The following HIGD1C variants were observed in gnomAD, a reference collection of about 807,000 sequenced individuals.
HIGD1C encodes the protein HIG1 hypoxia inducible domain family member 1C.
A neutral mutation model predicts 13.1 loss-of-function variants in HIGD1C; 11 were observed. That is an observed-to-expected ratio of 0.84 (90% confidence interval 0.53 to 1.39). The LOEUF (loss-of-function observed/expected upper bound fraction) is 1.39, where lower values mean the gene tolerates loss of function less well. Among genes scored for constraint, HIGD1C ranks in the 40% most tolerant of loss-of-function variants. The pLI, the probability that HIGD1C is intolerant of heterozygous loss-of-function variation, is 0.00. For missense variants in HIGD1C, 110 were observed against 112.0 expected, an observed-to-expected ratio of 0.98 and a Z score of 0.08; for synonymous variants, 36 against 37.7, an observed-to-expected ratio of 0.95 and a Z score of 0.17.
chr12:50,959,516 C>T (rs1280573309), intron 1 of HIGD1C, among the ~76,000 whole-genome samples: 1 of 152,108 alleles, frequency 6.6e-6, no homozygotes, highest in East Asian at 1.9e-4. Context: ...TCTTACTTAT[C>T]CAAAAATTTT....
chr12:50,959,962 T>C (rs915604565), intron 1 of HIGD1C, among the ~76,000 whole-genome samples: 1 of 152,204 alleles, frequency 6.6e-6, no homozygotes, highest in Non-Finnish European at 1.5e-5. Flanking sequence ...GTATCTGTTA[T>C]CTGGCTATTT....
chr12:50,963,369 C>CAAAAAAAA (rs35764288), intron 2 of HIGD1C, among the ~76,000 whole-genome samples: 9 of 72,386 alleles, frequency 1.2e-4, no homozygotes, highest in African/African-American at 2.5e-4. Flanking sequence ...GACTCCATCT[C>CAAAAAAAA]AAAAAAAAAA....
chr12:50,959,794 T>C (rs1420909603), intron 1 of HIGD1C, among the ~76,000 whole-genome samples: 1 of 152,116 alleles, frequency 6.6e-6, no homozygotes, highest in Non-Finnish European at 1.5e-5. Context: ...ATTACAGGCA[T>C]GTACCACCAC....
chr12:50,932,635 AAC>A, the HIGD1C span: 1 of 152,192 alleles, frequency 6.6e-6, no homozygotes, highest in African/African-American at 2.4e-5. Context: ...GGTAACTATA[AAC>A]ACAGCCAATA....
At chr12:50,960,399 C>A (rs773476899) in intron 1 of HIGD1C, among the ~76,000 whole-genome samples, 2 of 152,184 alleles carry the variant, frequency 1.3e-5, no homozygotes, top group South Asian at 4.1e-4. Flanking sequence ...AACTTTGTAG[C>A]ATGCACAGTT....
intron 2 of HIGD1C, among the ~76,000 whole-genome samples, chr12:50,967,466 A>G (rs1245337884): frequency 6.6e-6 from 1 of 152,054 alleles, no homozygotes; most frequent in East Asian, 1.9e-4. Context: ...TGTAGAAATG[A>G]GGGTCTCACT....
chr12:50,955,106 A>G (rs1939044393), intron 1 of HIGD1C, among the ~76,000 whole-genome samples: 1 of 152,218 alleles, frequency 6.6e-6, no homozygotes, highest in Admixed American at 6.5e-5. Flanking sequence ...AGCCTGGCCA[A>G]TAGGGTGAAA....
chr12:50,963,389 A>G (rs113921565), intron 2 of HIGD1C, among the ~76,000 whole-genome samples: 16,114 of 131,844 alleles, frequency 0.12, 945 homozygotes, highest in South Asian at 0.17. Flanking sequence ...AAAAAAAAAA[A>G]AAAAGAAAAG....
At chr12:50,945,723 A>G in the HIGD1C span, among the ~76,000 whole-genome samples, 2 of 152,234 alleles carry the variant, frequency 1.3e-5, no homozygotes, top group Non-Finnish European at 2.9e-5. Flanking sequence ...AGAATTGGGA[A>G]AAACTACTTT....
At chr12:50,965,917 G>A (rs1012487911) in intron 2 of HIGD1C, among the ~76,000 whole-genome samples, 1 of 152,168 alleles carries the variant, frequency 6.6e-6, no homozygotes, top group Non-Finnish European at 1.5e-5. Flanking sequence ...CTCAATTCTA[G>A]GAATTGGTCA....
At chr12:50,954,268 A>G in intron 1 of HIGD1C, 176 bp downstream of exon 3, 2 of 468,438 alleles carry the variant, frequency 4.3e-6, no homozygotes, top group Non-Finnish European at 7.5e-6. Context: ...GTAAGCCCCC[A>G]GTAAATGTTA....
intron 2 of HIGD1C, among the ~76,000 whole-genome samples, chr12:50,969,701 T>C (rs1477683079): frequency 1.7e-5 from 2 of 115,712 alleles, no homozygotes; most frequent in African/African-American, 3.0e-5. Flanking sequence ...AGACTCCATC[T>C]CAAAAAAAAA....
In HIGD1C at chr12:50,954,629, G is replaced by A. The variant is rs562269543; in HGVS notation, c.94+537G>A. Among the ~76,000 whole-genome samples the A allele has an allele frequency of 2.6e-5, 4 of 152,142 alleles. No homozygotes were observed. In the East Asian group the frequency reaches 7.8e-4, roughly 29 times the overall value. ...TAATCCCAGCGCTTTGGGAGGCCGA[G>A]GTGGGAGGATTGCTTGAGCTCAGGA... On this transcript the variant is annotated intron_variant, in intron 1 of 2. Coordinates refer to ENST00000398455, the Ensembl canonical transcript of HIGD1C.
Position 50,968,134 on chromosome 12 carries a change from G to C in HIGD1C, c.230-2308G>C, listed in dbSNP as rs557715141. Among the ~76,000 whole-genome samples, 749 of 151,466 alleles carry C rather than the reference G, an allele frequency of 4.9e-3. 8 individuals carry two copies. Among genetic ancestry groups the C allele is most frequent in the Non-Finnish European group, 8.9e-3 (605 of 67,886 alleles). ...AGGAGGAGGAGGAGGAGGAGAATGA[G>C]GAGGAGGAGGAGAAGGGATTTATTA... On this transcript the variant is annotated intron_variant, in intron 2 of 2. Transcript: ENST00000398455.
chr12:50,938,123 C>T, the HIGD1C span, among the ~76,000 whole-genome samples: 1 of 152,102 alleles, frequency 6.6e-6, no homozygotes, highest in Non-Finnish European at 1.5e-5. Context: ...CATCAATATG[C>T]CCTCCACAGC....
At chr12:50,970,553 T>C (rs1324309444), downstream of HIGD1C, 1 of 1,169,162 alleles carries the variant, frequency 8.6e-7, no homozygotes, top group East Asian at 2.6e-5. Context: ...CTGAAAACTA[T>C]TTATTATGAA....
intron 2 of HIGD1C, among the ~76,000 whole-genome samples, chr12:50,961,373 A>G (rs1939321692): frequency 6.6e-6 from 1 of 152,164 alleles, no homozygotes; most frequent in South Asian, 2.1e-4. Context: ...AATAGTTCCT[A>G]TCCTATAACT....
upstream of HIGD1C, chr12:50,953,823 A>C (rs1377797433): frequency 1.9e-6 from 1 of 531,776 alleles, no homozygotes; most frequent in Non-Finnish European, 3.3e-6. Flanking sequence ...AAAATGAAAA[A>C]ATTCGGTAGT....
the HIGD1C span, among the ~76,000 whole-genome samples, chr12:50,948,027 G>A: frequency 6.6e-6 from 1 of 152,082 alleles, no homozygotes; most frequent in Non-Finnish European, 1.5e-5. Flanking sequence ...GGACTACAAG[G>A]GAACAAAATA....
Sources: allele counts gnomAD v4.1 joint callset (sites outside exome capture counted in the v4.1 genomes callset), GRCh38; gene constraint gnomAD v4.1.1; transcripts MANE v1.5; gene names NCBI Gene and HGNC (gene_info 2026-07-23, HGNC 2026-07-21).